The following DOCK1 variants were observed in gnomAD, a reference collection of about 807,000 sequenced individuals.
DOCK1 encodes the protein dedicator of cytokinesis protein 1.
In DOCK1, 138 loss-of-function variants were observed where a neutral mutation model predicts 262.7. That is an observed-to-expected ratio of 0.53 (90% CI 0.46 to 0.61). The LOEUF (loss-of-function observed/expected upper bound fraction) is 0.61, where lower values mean the gene tolerates loss of function less well. Among genes scored for constraint, DOCK1 ranks in the 20% least tolerant of loss-of-function variants. The pLI is 0.00. For missense variants in DOCK1, 1,908 were observed against 2,370.7 expected, an observed-to-expected ratio of 0.80 and a Z score of 4.05; for synonymous variants, 866 against 867.4, an observed-to-expected ratio of 1.00 and a Z score of 0.03.
Position 126,949,090 on chromosome 10 carries a change from G to GC in DOCK1, c.47-21611dup, listed in dbSNP as rs1258709599. Among the ~76,000 whole-genome samples the GC allele has an allele frequency of 1.6e-4, 24 of 152,238 alleles. No homozygotes were observed. In the South Asian group the frequency reaches 5.0e-3, roughly 32 times the overall value. On this transcript the variant is annotated intron_variant, in intron 1 of 51. Coordinates refer to ENST00000623213, the MANE Select transcript of DOCK1 (RefSeq NM_001290223.2). ...CCTTTCTGGGAGTGGTGCACGTTCTGCTGGGGGGAGGTGCATCCTGCCCTT... is the reference window on the plus strand; with the variant it reads ...CCTTTCTGGGAGTGGTGCACGTTCTGCCTGGGGGGAGGTGCATCCTGCCCTT...
intron 19 of DOCK1, among the ~76,000 whole-genome samples, chr10:127,041,908 A>G (rs562034115): frequency 6.6e-6 from 1 of 152,230 alleles, no homozygotes; most frequent in East Asian, 1.9e-4. Flanking sequence ...CATCACTTCC[A>G]ACACCGTGAT....
At chr10:127,240,916 A>G (rs2059241909) in intron 27 of DOCK1, among the ~76,000 whole-genome samples, 1 of 152,240 alleles carries the variant, frequency 6.6e-6, no homozygotes, top group African/African-American at 2.4e-5. Context: ...GAGAAATATG[A>G]TAGTTATAAG....
intron 1 of DOCK1, among the ~76,000 whole-genome samples, chr10:126,912,704 T>C (rs34015666): frequency 0.25 from 35,483 of 140,456 alleles, 5,031 homozygotes; most frequent in East Asian, 0.53. Context: ...CCAGCCTGGG[T>C]GACAGAGTGA....
At chr10:127,052,248 C>G (rs1020070191) in intron 21 of DOCK1, among the ~76,000 whole-genome samples, 1 of 152,110 alleles carries the variant, frequency 6.6e-6, no homozygotes, top group Non-Finnish European at 1.5e-5. Flanking sequence ...TTTTACAGGC[C>G]GTGCAGTGGC....
At chr10:126,947,318 GTGGTGGTTGGTAGTATTACTGTTGGTGA>G (rs2035515723) in intron 1 of DOCK1, among the ~76,000 whole-genome samples, 3 of 141,062 alleles carry the variant, frequency 2.1e-5, no homozygotes, top group Non-Finnish European at 3.1e-5. Context: ...GGTGGTGATG[GTGGTGGTTGGTAGTATTACTGTTGGTGA>G]TGGTGGTGGT....
intron 1 of DOCK1, among the ~76,000 whole-genome samples, chr10:126,965,795 C>T (rs2037630603): frequency 6.6e-6 from 1 of 152,098 alleles, no homozygotes; most frequent in Non-Finnish European, 1.5e-5. Flanking sequence ...TTATGGGGTA[C>T]ACCTTCATGT....
At chr10:127,378,770 T>C (rs1159728120) in intron 35 of DOCK1, among the ~76,000 whole-genome samples, 4 of 152,268 alleles carry the variant, frequency 2.6e-5, no homozygotes, top group Admixed American at 2.0e-4. Flanking sequence ...GGGCTTATCC[T>C]CTGCCTTTGA....
At chr10:127,396,928 C>T (rs113035478) in intron 38 of DOCK1, among the ~76,000 whole-genome samples, 3,680 of 144,018 alleles carry the variant, frequency 0.026, 60 homozygotes, top group Non-Finnish European at 0.039. Context: ...ACACGGGCAG[C>T]GACTCCTATG....
chr10:127,288,869 T>C (rs1004147132), intron 29 of DOCK1, among the ~76,000 whole-genome samples: 2 of 152,004 alleles, frequency 1.3e-5, no homozygotes, highest in African/African-American at 4.8e-5. Context: ...CTCCTTAGGA[T>C]ATATCCTGCA....
At chr10:127,401,385 A>T (rs2067216955) in intron 38 of DOCK1, among the ~76,000 whole-genome samples, 1 of 152,200 alleles carries the variant, frequency 6.6e-6, no homozygotes, top group Non-Finnish European at 1.5e-5. Flanking sequence ...AGCAGGAGTG[A>T]AAGTTTATTA....
At chr10:127,256,008 C>T (rs1290240580) in intron 28 of DOCK1, among the ~76,000 whole-genome samples, 2 of 152,312 alleles carry the variant, frequency 1.3e-5, no homozygotes, top group African/African-American at 2.4e-5. Flanking sequence ...AGCAGGTGGA[C>T]ACAGTGCCCA....
At chr10:127,271,834 G>A (rs2060579130) in intron 29 of DOCK1, among the ~76,000 whole-genome samples, 1 of 152,188 alleles carries the variant, frequency 6.6e-6, no homozygotes, top group Admixed American at 6.5e-5. Flanking sequence ...AGAATAAAAG[G>A]CAGTTACTCT....
At chr10:127,232,235 G>A (rs1378781439) in intron 27 of DOCK1, among the ~76,000 whole-genome samples, 1 of 152,146 alleles carries the variant, frequency 6.6e-6, no homozygotes, top group Non-Finnish European at 1.5e-5. Context: ...TGAGTTATCT[G>A]CAAGTCAACT....
intron 6 of DOCK1, among the ~76,000 whole-genome samples, chr10:126,992,185 A>G (rs2039839136): frequency 6.6e-6 from 1 of 152,208 alleles, no homozygotes; most frequent in South Asian, 2.1e-4. Context: ...ACCCATTTCA[A>G]GACCACCTGC....
At chr10:127,166,856 T>G (rs1197669641) in intron 27 of DOCK1, among the ~76,000 whole-genome samples, 1 of 152,174 alleles carries the variant, frequency 6.6e-6, no homozygotes, top group African/African-American at 2.4e-5. Flanking sequence ...TTGCTCATTT[T>G]ATCTGCAAAT....
At chr10:127,258,113 C>T (rs796196237) in intron 29 of DOCK1, among the ~76,000 whole-genome samples, 7 of 152,240 alleles carry the variant, frequency 4.6e-5, no homozygotes, top group African/African-American at 9.6e-5. Context: ...GTCGATGATG[C>T]GATTCACTGA....
intron 23 of DOCK1, among the ~76,000 whole-genome samples, chr10:127,065,745 C>T (rs768232582): frequency 1.3e-5 from 2 of 152,066 alleles, no homozygotes; most frequent in East Asian, 1.9e-4. Context: ...GTGAATGATG[C>T]GGCTCCGACT....
intron 24 of DOCK1, among the ~76,000 whole-genome samples, chr10:127,109,195 G>A (rs913434271): frequency 3.1e-4 from 47 of 152,046 alleles, no homozygotes; most frequent in African/African-American, 1.1e-3. Context: ...AGTATACGTT[G>A]GTGTCTGTTT....
intron 29 of DOCK1, among the ~76,000 whole-genome samples, chr10:127,264,902 C>T (rs1436704969): frequency 6.6e-6 from 1 of 152,166 alleles, no homozygotes; most frequent in Non-Finnish European, 1.5e-5. Flanking sequence ...CTCCTGGGCT[C>T]AAGTGATCCA....
Sources: allele counts gnomAD v4.1 joint callset (sites outside exome capture counted in the v4.1 genomes callset), GRCh38; gene constraint gnomAD v4.1.1; transcripts MANE v1.5; gene names NCBI Gene and HGNC (gene_info 2026-07-23, HGNC 2026-07-21).